The following SLCO1B3 variants were observed in gnomAD, a reference collection of about 807,000 sequenced individuals.
SLCO1B3 encodes liver-specific organic anion transporter 2.
A neutral mutation model predicts 71.8 loss-of-function variants in SLCO1B3; 72 were observed. That is an observed-to-expected ratio of 1.00 (90% CI 0.83 to 1.22). The LOEUF (loss-of-function observed/expected upper bound fraction) is 1.22, where lower values mean the gene tolerates loss of function less well. Among genes scored for constraint, SLCO1B3 ranks in the 50% most tolerant of loss-of-function variants. The pLI is 0.00. For synonymous variants in SLCO1B3, 298 were observed against 278.4 expected (o/e 1.07, Z -0.70); for missense variants, 911 against 819.7 (o/e 1.11, Z -1.36).
At chr12:20,886,157 G>T (rs1317112598) in intron 13 of SLCO1B3, among the ~76,000 whole-genome samples, 1 of 152,048 alleles carries the variant, frequency 6.6e-6, no homozygotes, top group Admixed American at 6.6e-5. Context: ...GCTCTGGAAA[G>T]ATGGTGATAC....
At chr12:20,844,641 A>G (rs920672602) in intron 3 of SLCO1B3, among the ~76,000 whole-genome samples, 1 of 152,090 alleles carries the variant, frequency 6.6e-6, no homozygotes, top group Non-Finnish European at 1.5e-5. Context: ...TTTATTTTCC[A>G]TGTATTTGTG....
chr12:20,879,673 A>G (rs1220013830), intron 11 of SLCO1B3, 42 bp downstream of exon 11: 2 of 1,280,114 alleles, frequency 1.6e-6, no homozygotes, highest in Non-Finnish European at 2.1e-6. Flanking sequence ...TATGTTAACC[A>G]TCAAATTAAA....
At chr12:20,847,424 C>T (rs1055227432) in intron 3 of SLCO1B3, among the ~76,000 whole-genome samples, 2 of 152,058 alleles carry the variant, frequency 1.3e-5, no homozygotes, top group African/African-American at 4.8e-5. Context: ...CTAAATTTTT[C>T]CCTCCCTGTG....
intron 2 of SLCO1B3, among the ~76,000 whole-genome samples, chr12:20,814,896 CAA>C (rs11286357): frequency 2.6e-4 from 36 of 139,654 alleles, no homozygotes; most frequent in Admixed American, 4.3e-4. Context: ...GACTCCGTCT[CAA>C]AAAAAAAAAA....
intron 12 of SLCO1B3, 70 bp downstream of exon 12, chr12:20,881,090 T>C: frequency 3.4e-6 from 4 of 1,163,770 alleles, no homozygotes; most frequent in South Asian, 1.6e-5. Flanking sequence ...TAAATACTTA[T>C]CAAATCTTCC....
chr12:20,831,084 C>T (rs564125651), intron 3 of SLCO1B3, among the ~76,000 whole-genome samples: 29 of 152,166 alleles, frequency 1.9e-4, no homozygotes, highest in Non-Finnish European at 2.9e-4. Context: ...CCAGGCCGGG[C>T]GCGGTGGCTC....
At chr12:20,905,496 A>G (rs1866225294) in intron 15 of SLCO1B3, among the ~76,000 whole-genome samples, 1 of 152,182 alleles carries the variant, frequency 6.6e-6, no homozygotes, top group Non-Finnish European at 1.5e-5. Flanking sequence ...ATATGAGTAA[A>G]CACTTTTAGA....
chr12:20,871,839 A>C (rs1458255936), intron 8 of SLCO1B3, among the ~76,000 whole-genome samples: 1 of 152,036 alleles, frequency 6.6e-6, no homozygotes, highest in African/African-American at 2.4e-5. Context: ...TGAAGCCAGC[A>C]CAGCACTGGG....
chr12:20,912,322 T>C (rs1866397208), intron 15 of SLCO1B3, among the ~76,000 whole-genome samples: 1 of 146,612 alleles, frequency 6.8e-6, no homozygotes, highest in Non-Finnish European at 1.5e-5. Context: ...TATTTATTTA[T>C]TTATTTATTT....
At chr12:20,836,355 T>C (rs905072948) in intron 3 of SLCO1B3, among the ~76,000 whole-genome samples, 4 of 152,216 alleles carry the variant, frequency 2.6e-5, no homozygotes, top group Non-Finnish European at 5.9e-5. Context: ...CATTTGATCA[T>C]GGTATTTAAT....
At chr12:20,833,162 C>T (rs1291356132) in intron 3 of SLCO1B3, among the ~76,000 whole-genome samples, 1 of 152,092 alleles carries the variant, frequency 6.6e-6, no homozygotes, top group African/African-American at 2.4e-5. Flanking sequence ...ATGCTTCTTT[C>T]ACATTTAAAG....
At position 20,871,192 on chromosome 12, in the gene SLCO1B3, C is replaced by A. The variant is rs146738288; in HGVS notation, c.728-4043C>A. Reference sequence around the variant, plus strand: ...TTTGGTATCAGGGTAATATTGGCCTCACAGAAGGAGTTTGGAAATATTCCC... The same window carrying A: ...TTTGGTATCAGGGTAATATTGGCCTAACAGAAGGAGTTTGGAAATATTCCC... On this transcript the variant is annotated intron_variant, in intron 8 of 15. Coordinates refer to ENST00000381545, the MANE Select transcript of SLCO1B3 (RefSeq NM_019844.4). 7.2e-4 allele frequency among the ~76,000 whole-genome samples: 110 copies of A among 152,220 alleles called. 2 individuals carry two copies. In the East Asian group the frequency reaches 0.019, roughly 26 times the overall value.
chr12:20,816,000 A>C (rs1440162833), intron 3 of SLCO1B3, among the ~76,000 whole-genome samples, 178 bp downstream of exon 3: 1 of 152,202 alleles, frequency 6.6e-6, no homozygotes, highest in Non-Finnish European at 1.5e-5. Context: ...TTTTAATCTG[A>C]TTGAAGTTAT....
At chr12:20,837,731 A>G (rs1264628372) in intron 3 of SLCO1B3, among the ~76,000 whole-genome samples, 1 of 152,144 alleles carries the variant, frequency 6.6e-6, no homozygotes, top group Non-Finnish European at 1.5e-5. Context: ...ATGGCTTAGA[A>G]TGTGGTCTTT....
chr12:20,815,435 A>C (rs1591738482), intron 2 of SLCO1B3, among the ~76,000 whole-genome samples: 1 of 152,130 alleles, frequency 6.6e-6, no homozygotes, highest in African/African-American at 2.4e-5. Flanking sequence ...TACTTGTTTC[A>C]AATTTCTCTC....
rs1865128888 is a variant in SLCO1B3, at chr12:20,856,060, A to G, written c.226+891A>G. ...AGAATATTTGTGATTCAAAGATATG[A>G]CACTCTACATGTCCTTCACTTGTTT... On this transcript the variant is annotated intron_variant, in intron 4 of 15. Transcript: ENST00000381545. Among the ~76,000 whole-genome samples, 3 of 152,312 alleles carry G rather than the reference A, an allele frequency of 2.0e-5. No homozygotes were observed. In the South Asian group the frequency reaches 6.2e-4, roughly 32 times the overall value.
At chr12:20,906,870 T>G (rs536716784) in intron 15 of SLCO1B3, among the ~76,000 whole-genome samples, 11 of 152,312 alleles carry the variant, frequency 7.2e-5, no homozygotes, top group African/African-American at 2.4e-4. Flanking sequence ...TGGCAAAGTA[T>G]ATAACTTTGA....
intron 11 of SLCO1B3, among the ~76,000 whole-genome samples, chr12:20,880,329 T>C (rs10743402): frequency 1 from 151,265 of 151,654 alleles, 75,440 homozygotes; most frequent in Middle Eastern, 1. Flanking sequence ...CTCAGAGGTT[T>C]GGTTTTAACT....
At chr12:20,888,131 G>A (rs1591782611) in intron 13 of SLCO1B3, among the ~76,000 whole-genome samples, 1 of 151,956 alleles carries the variant, frequency 6.6e-6, no homozygotes, top group Admixed American at 6.6e-5. Flanking sequence ...TTATAGCCAT[G>A]TAGTATAATT....
Sources: allele counts gnomAD v4.1 joint callset (sites outside exome capture counted in the v4.1 genomes callset), GRCh38; gene constraint gnomAD v4.1.1; transcripts MANE v1.5; gene names NCBI Gene and HGNC (gene_info 2026-07-23, HGNC 2026-07-21).